Variants in FGF1 observed in about 807,000 individuals in gnomAD.
The protein encoded by FGF1 is fibroblast growth factor 1, also known as beta-endothelial cell growth factor.
FGF1 carries 9 observed loss-of-function variants against 13.4 expected under a neutral mutation model. That is an observed-to-expected ratio of 0.67 (90% CI 0.40 to 1.17). FGF1 has a LOEUF of 1.17. FGF1 is among the 50% of genes most tolerant of loss of function. The pLI is 0.01. For synonymous variants in FGF1, 93 were observed against 79.0 expected (o/e 1.18, Z -0.94); for missense variants, 156 against 192.7 (o/e 0.81, Z 1.13).
At chr5:142,626,253 A>G (rs1348390013) in intron 1 of FGF1, among the ~76,000 whole-genome samples, 1 of 152,210 alleles carries the variant, frequency 6.6e-6, no homozygotes, top group Non-Finnish European at 1.5e-5. Flanking sequence ...CCAACATTCC[A>G]AAGTTTAATT....
At chr5:142,668,434 G>T (rs1294616483) in intron 1 of FGF1, among the ~76,000 whole-genome samples, 5 of 152,190 alleles carry the variant, frequency 3.3e-5, no homozygotes, top group Admixed American at 1.3e-4. Context: ...ACCTTGGGGA[G>T]GCTGCTCTTG....
At chr5:142,673,551 A>G (rs1771897154) in intron 1 of FGF1, among the ~76,000 whole-genome samples, 1 of 152,158 alleles carries the variant, frequency 6.6e-6, no homozygotes, top group Admixed American at 6.6e-5. Flanking sequence ...CTGCCTGATG[A>G]TTGTGGGATA....
At chr5:142,696,326 A>T (rs1753104434) in intron 2 of FGF1, among the ~76,000 whole-genome samples, 1 of 152,152 alleles carries the variant, frequency 6.6e-6, no homozygotes, top group Non-Finnish European at 1.5e-5. Flanking sequence ...GACTTCGGCC[A>T]CCCTGCATCT....
intron 2 of FGF1, among the ~76,000 whole-genome samples, chr5:142,601,837 T>C (rs576192763): frequency 2.0e-5 from 3 of 152,204 alleles, no homozygotes. Flanking sequence ...GGACACTTAA[T>C]TGGAATCCAA....
intron 1 of FGF1, among the ~76,000 whole-genome samples, chr5:142,662,888 A>C (rs10062329): frequency 6.6e-6 from 1 of 151,908 alleles, no homozygotes; most frequent in African/African-American, 2.4e-5. Flanking sequence ...CAGTGGCACA[A>C]TCTCAGCTCA....
chr5:142,681,400 A>G (rs1175434095), intron 1 of FGF1, among the ~76,000 whole-genome samples: 3 of 151,892 alleles, frequency 2.0e-5, no homozygotes, highest in South Asian at 2.1e-4. Flanking sequence ...CACTCTGTTT[A>G]TTTTGTTCTT....
At chr5:142,604,860 G>C (rs1757305049) in intron 2 of FGF1, among the ~76,000 whole-genome samples, 1 of 152,098 alleles carries the variant, frequency 6.6e-6, no homozygotes, top group Admixed American at 6.5e-5. Context: ...GGAATGGATT[G>C]ATCCAAATCC....
chr5:142,691,999 T>G (rs1752301164), intron 2 of FGF1, among the ~76,000 whole-genome samples: 1 of 152,198 alleles, frequency 6.6e-6, no homozygotes, highest in African/African-American at 2.4e-5. Context: ...GCTAAAATTG[T>G]GCACTATCTC....
chr5:142,596,672 G>A (rs1755346111), intron 3 of FGF1, among the ~76,000 whole-genome samples: 1 of 151,552 alleles, frequency 6.6e-6, no homozygotes. Context: ...TCGACCCCAG[G>A]AGTTTGAGGC....
intron 1 of FGF1, among the ~76,000 whole-genome samples, chr5:142,647,849 T>C (rs973993953): frequency 6.6e-6 from 1 of 152,122 alleles, no homozygotes; most frequent in Non-Finnish European, 1.5e-5. Flanking sequence ...TTTGGGAGAC[T>C]GAGGTGGGCA....
At chr5:142,619,254 C>T (rs1760989094) in intron 1 of FGF1, among the ~76,000 whole-genome samples, 1 of 152,152 alleles carries the variant, frequency 6.6e-6, no homozygotes, top group Non-Finnish European at 1.5e-5. Context: ...TTTTTAATCC[C>T]TGTCACTGTG....
At chr5:142,651,709 C>T (rs1005733207) in intron 1 of FGF1, among the ~76,000 whole-genome samples, 8 of 152,162 alleles carry the variant, frequency 5.3e-5, no homozygotes, top group African/African-American at 1.9e-4. Context: ...CATAGTTTTG[C>T]CTTTTCCAGA....
chr5:142,608,195 G>A (rs950710195), intron 2 of FGF1, among the ~76,000 whole-genome samples: 1 of 152,078 alleles, frequency 6.6e-6, no homozygotes, highest in Non-Finnish European at 1.5e-5. Flanking sequence ...AAAATGCCTG[G>A]AGAGAGAGGT....
At chr5:142,691,330 G>T (rs1364804382) in intron 2 of FGF1, among the ~76,000 whole-genome samples, 2 of 151,928 alleles carry the variant, frequency 1.3e-5, no homozygotes, top group Non-Finnish European at 2.9e-5. Context: ...GCTGAGGCAG[G>T]AGAATCACTT....
Position 142,646,317 on chromosome 5 carries a change from C to T in FGF1, c.-34-32156G>A, listed in dbSNP as rs183612430. ...CTGCAACCTCTGCTGCCTCAGCCTC[C>T]GAAGTAGCTGGGATTACAGGTGCCT... is the stretch of plus-strand genomic sequence containing the variant. On this transcript the variant is annotated intron_variant, in intron 1 of 3. Coordinates refer to ENST00000337706, the MANE Select transcript of FGF1 (RefSeq NM_000800.5). 1.4e-3 allele frequency among the ~76,000 whole-genome samples: 206 copies of T among 150,382 alleles called. 3 individuals carry two copies. The highest frequency in any genetic ancestry group is 4.1e-4 in the Non-Finnish European group (28 of 67,654).
At chr5:142,610,986 C>A (rs150137304) in intron 2 of FGF1, among the ~76,000 whole-genome samples, 5 of 152,288 alleles carry the variant, frequency 3.3e-5, no homozygotes, top group Admixed American at 1.3e-4. Flanking sequence ...CAAAGGCATA[C>A]GGTTCTATCT....
At chr5:142,675,422 C>T (rs186112578) in intron 1 of FGF1, among the ~76,000 whole-genome samples, 2 of 152,248 alleles carry the variant, frequency 1.3e-5, no homozygotes, top group African/African-American at 2.4e-5. Context: ...TGTGCTGGTG[C>T]GGAAGCCAAG....
intron 1 of FGF1, among the ~76,000 whole-genome samples, chr5:142,669,335 T>C (rs11954586): frequency 0.14 from 20,616 of 152,120 alleles, 1,741 homozygotes; most frequent in African/African-American, 0.23. Flanking sequence ...AGCCCTCAAG[T>C]CTTCTTGACT....
chr5:142,695,644 C>A (rs979628343), intron 2 of FGF1, among the ~76,000 whole-genome samples: 29 of 150,596 alleles, frequency 1.9e-4, no homozygotes, highest in Admixed American at 1.9e-3. Flanking sequence ...GTAATCCATC[C>A]ATTCTCCCTA....
Sources: gnomAD v4.1 joint callset for allele counts (sites outside exome capture counted in the v4.1 genomes callset) on GRCh38, gnomAD v4.1.1 for gene constraint, MANE v1.5 for transcripts, NCBI Gene and HGNC (gene_info 2026-07-23, HGNC 2026-07-21) for gene names.